The following HECW2 variants were observed in gnomAD, a reference collection of about 807,000 sequenced individuals.
HECW2 encodes HECT, C2 and WW domain containing E3 ubiquitin protein ligase 2, also known as E3 ubiquitin-protein ligase HECW2.
Under a neutral mutation model 175.2 loss-of-function variants are expected in HECW2, and 61 were observed. The observed-to-expected ratio is 0.35, with a 90% CI of 0.28 to 0.43. HECW2 has a LOEUF of 0.43. Among genes scored for constraint, HECW2 ranks in the 20% least tolerant of loss-of-function variants. The pLI is 1.00. For missense variants in HECW2, 1,524 were observed against 2,000.5 expected, an observed-to-expected ratio of 0.76 and a Z score of 4.54; for synonymous variants, 671 against 731.0, an observed-to-expected ratio of 0.92 and a Z score of 1.32.
intron 1 of HECW2, among the ~76,000 whole-genome samples, chr2:196,438,262 A>G (rs1053707272): frequency 2.0e-5 from 3 of 152,232 alleles, no homozygotes; most frequent in African/African-American, 7.2e-5. Flanking sequence ...GCACTGTCCA[A>G]TTGAAATATA....
At chr2:196,543,653 C>T (rs1029283127) in intron 1 of HECW2, among the ~76,000 whole-genome samples, 1 of 152,036 alleles carries the variant, frequency 6.6e-6, no homozygotes, top group African/African-American at 2.4e-5. Flanking sequence ...CGCTCTGTCG[C>T]CCACGCTGGA....
chr2:196,415,942 C>T (rs1192494429), intron 2 of HECW2, among the ~76,000 whole-genome samples: 2 of 152,132 alleles, frequency 1.3e-5, no homozygotes, highest in African/African-American at 4.8e-5. Context: ...TGTTGATTTC[C>T]AAGTGCATGG....
chr2:196,515,898 C>T (rs13411745), intron 1 of HECW2, among the ~76,000 whole-genome samples: 5,563 of 150,244 alleles, frequency 0.037, 339 homozygotes, highest in African/African-American at 0.13. Context: ...TGGAGGTAGG[C>T]GGATCACTTG....
intron 1 of HECW2, among the ~76,000 whole-genome samples, chr2:196,473,936 G>A (rs1409481538): frequency 6.6e-6 from 1 of 152,240 alleles, no homozygotes; most frequent in African/African-American, 2.4e-5. Context: ...ATGTGAGTGA[G>A]AGTGTGGGCT....
At chr2:196,386,727 G>A (rs1456393001) in intron 2 of HECW2, among the ~76,000 whole-genome samples, 1 of 152,106 alleles carries the variant, frequency 6.6e-6, no homozygotes, top group African/African-American at 2.4e-5. Context: ...AATCCCCAGT[G>A]TAGATACTGT....
intron 1 of HECW2, among the ~76,000 whole-genome samples, chr2:196,574,408 C>T (rs958470103): frequency 1.0e-4 from 15 of 150,012 alleles, no homozygotes; most frequent in Non-Finnish European, 1.2e-4. Flanking sequence ...CCAGTGTGGG[C>T]GATAGAGTGA....
chr2:196,581,784 T>C (rs556572286), intron 1 of HECW2, among the ~76,000 whole-genome samples: 1 of 152,188 alleles, frequency 6.6e-6, no homozygotes, highest in Admixed American at 6.5e-5. Flanking sequence ...AAATAAACCA[T>C]GGACAGGCGC....
intron 1 of HECW2, among the ~76,000 whole-genome samples, chr2:196,502,074 G>A (rs1354988292): frequency 2.6e-5 from 4 of 152,170 alleles, no homozygotes; most frequent in Non-Finnish European, 5.9e-5. Flanking sequence ...TCCAGCTCAC[G>A]TAGTTTTGTT....
chr2:196,426,057 A>C (rs7586554), intron 2 of HECW2, among the ~76,000 whole-genome samples: 146,968 of 152,188 alleles, frequency 0.97, 70,964 homozygotes, highest in East Asian at 1. Context: ...GAGGCAAGAC[A>C]CTCCACCAGC....
intron 5 of HECW2, among the ~76,000 whole-genome samples, chr2:196,328,840 C>A (rs1476603019): frequency 6.6e-6 from 1 of 152,132 alleles, no homozygotes; most frequent in Non-Finnish European, 1.5e-5. Context: ...CAGTGCCCTT[C>A]AAACTTTTTC....
chr2:196,396,912 C>A (rs558054188), intron 2 of HECW2, among the ~76,000 whole-genome samples: 1 of 151,952 alleles, frequency 6.6e-6, no homozygotes, highest in African/African-American at 2.4e-5. Context: ...GAGATTGAGA[C>A]CATCCTGGCT....
chr2:196,521,159 G>A (rs1188049389), intron 1 of HECW2, among the ~76,000 whole-genome samples: 1 of 151,464 alleles, frequency 6.6e-6, no homozygotes. Context: ...ATAATAACAG[G>A]CCCAAGCTCA....
intron 2 of HECW2, among the ~76,000 whole-genome samples, chr2:196,405,839 T>A (rs781464702): frequency 1.1e-4 from 17 of 152,092 alleles, no homozygotes; most frequent in Non-Finnish European, 2.1e-4. Flanking sequence ...TCTCAACTCA[T>A]TTCATTTCAA....
Position 196,318,637 on chromosome 2 carries a change from C to G in HECW2, c.2253G>C (p.Glu751Asp), listed in dbSNP as rs758547673. ...GSLEGAAAAA[E>D]SPPQEEGSAG... ...CACTGCCTTCTTCTTGCGGTGGGCTCTCGGCAGCAGCTGCAGCTCCCTCCA... is the reference window on the plus strand; with the variant it reads ...CACTGCCTTCTTCTTGCGGTGGGCTGTCGGCAGCAGCTGCAGCTCCCTCCA... The change falls in exon 9 of 29, where the codon GAG (glutamate) becomes GAC (aspartate). Residue 751 changes from glutamate to aspartate, a missense_variant. By Grantham distance (45) the Glu-to-Asp change is conservative. Around this residue, in one of 11 missense-constraint regions of HECW2, gnomAD observed 604 missense variants for 588.3 expected, o/e 1.03. Coordinates refer to ENST00000644978, the MANE Select transcript of HECW2 (RefSeq NM_001348768.2). 6 of 1,597,704 alleles carry G rather than the reference C, an allele frequency of 3.8e-6. No homozygotes were observed.
Position 196,319,515 on chromosome 2 carries a change from C to T in HECW2, c.1375G>A (p.Ala459Thr). The T allele has an allele frequency of 6.2e-7, 1 of 1,614,162 alleles. No individual in the cohort carries two copies. Among genetic ancestry groups the T allele is most frequent in the African/African-American group, 1.3e-5 (1 of 75,064 alleles). ...SSFPTDTRLN[A>T]MLHIDSDEED... ...TCATCTGAATCAATATGAAGCATGG[C>T]ATTGAGTCTTGTGTCAGTGGGAAAA... The change falls in exon 9 of 29, where the codon GCC (alanine) becomes ACC (threonine). Residue 459 changes from alanine (A) to threonine (T), a missense_variant. By Grantham distance (58) the Ala-to-Thr change is moderately conservative (BLOSUM62 0). Around this residue, in one of 11 missense-constraint regions of HECW2, gnomAD observed 604 missense variants for 588.3 expected, o/e 1.03. Transcript: ENST00000644978.
intron 19 of HECW2, among the ~76,000 whole-genome samples, chr2:196,246,350 C>G (rs1352540641): frequency 2.0e-5 from 3 of 152,068 alleles, no homozygotes; most frequent in Non-Finnish European, 4.4e-5. Flanking sequence ...AAATGAAGAA[C>G]AAGGAACTGA....
intron 3 of HECW2, among the ~76,000 whole-genome samples, chr2:196,340,318 CG>C (rs1257551170): frequency 4.6e-5 from 7 of 151,984 alleles, no homozygotes; most frequent in Admixed American, 3.3e-4. Flanking sequence ...GACATCCAGC[CG>C]GGCACGGTGG....
At chr2:196,337,654 T>C (rs1692600420) in intron 3 of HECW2, among the ~76,000 whole-genome samples, 3 of 151,886 alleles carry the variant, frequency 2.0e-5, no homozygotes, top group Non-Finnish European at 2.9e-5. Context: ...ATATATAATA[T>C]ATGTTATATA....
At chr2:196,317,163 T>G in intron 10 of HECW2, 111 bp downstream of exon 10, 1 of 817,714 alleles carries the variant, frequency 1.2e-6, no homozygotes, top group Non-Finnish European at 2.0e-6. Context: ...ACCCCCAGAT[T>G]CCTTCCGCTT....
Sources: gnomAD v4.1 joint callset for allele counts (sites outside exome capture counted in the v4.1 genomes callset) on GRCh38, gnomAD v4.1.1 for gene constraint, gnomAD v4.1.1 regional missense constraint, MANE v1.5 for transcripts, NCBI Gene and HGNC (gene_info 2026-07-23, HGNC 2026-07-21) for gene names.